RPL32: variants seen among roughly 807,000 people sequenced by gnomAD.
RPL32 encodes the protein large ribosomal subunit protein eL32.
For synonymous variants in RPL32, 61 were observed against 62.6 expected (o/e 0.98, Z 0.12); for missense variants, 117 against 173.7 (o/e 0.67, Z 1.83).
chr3:12,838,455 C>A (rs1296332069), intron 3 of RPL32, among the ~76,000 whole-genome samples: 1 of 152,108 alleles, frequency 6.6e-6, no homozygotes, highest in Non-Finnish European at 1.5e-5. Context: ...CCTGCAAACC[C>A]TCCATGTGCT....
rs1268286038 is a variant in RPL32, at chr3:12,839,355, C to T, written c.272G>A (p.Cys91Tyr). 1 of 1,614,016 alleles carries T rather than the reference C, an allele frequency of 6.2e-7. No homozygotes were observed. Residue 91 changes from cysteine (C) to tyrosine (Y), a missense_variant, in exon 3 of 4, where the codon TGC becomes TAC. By Grantham distance (194) the Cys-to-Tyr change is radical. Coordinates refer to ENST00000429711, the MANE Select transcript of RPL32 (RefSeq NM_000994.4). The part of the protein sequence containing the change: ...NVKELEVLLM[C>Y]NKSYCAEIAH... ...GAGGTGGGACCCAACTCACTTGTTG[C>T]ACATCAGCAGCACTTCCAGCTCCTT...
At position 12,840,133 on chromosome 3, in the gene RPL32, A is replaced by T. The variant is rs1363720680; in HGVS notation, c.96+9T>A. 6.2e-7 allele frequency: 1 copy of T among 1,607,942 alleles called. No homozygotes were observed. The highest frequency in any genetic ancestry group is 1.1e-5 in the South Asian group (1 of 90,972). On this transcript the variant is annotated intron_variant, in intron 2 of 3. Transcript: ENST00000429711. ...ACCCCACACCCATTTCCATCCCAGG[A>T]CCACATACCTTAATTTTGACATATC...
At position 12,839,359 on chromosome 3, in the gene RPL32, T is replaced by A. The variant is rs1184043677; in HGVS notation, c.268A>T (p.Met90Leu). The part of the protein sequence containing the change: ...HNVKELEVLL[M>L]CNKSYCAEIA... ...TGGGACCCAACTCACTTGTTGCACATCAGCAGCACTTCCAGCTCCTTGACG... is the reference window on the plus strand; with the variant it reads ...TGGGACCCAACTCACTTGTTGCACAACAGCAGCACTTCCAGCTCCTTGACG... Residue 90 changes from methionine (M) to leucine (L), a missense_variant, in exon 3 of 4, where the codon ATG becomes TTG. Met to Leu is a conservative substitution (Grantham distance 15, BLOSUM62 2). Coordinates refer to ENST00000429711, the MANE Select transcript of RPL32 (RefSeq NM_000994.4). The A allele has an allele frequency of 3.1e-6, 5 of 1,613,922 alleles. No individual in the cohort carries two copies. The East Asian group carries it at 1.1e-4, about 36-fold the overall frequency.
At chr3:12,839,191 T>C in intron 3 of RPL32, 158 bp downstream of exon 3, 1 of 674,666 alleles carries the variant, frequency 1.5e-6, no homozygotes, top group Non-Finnish European at 2.6e-6. Context: ...CAACAAGCAT[T>C]CTCTAAAATC....
intron 3 of RPL32, among the ~76,000 whole-genome samples, chr3:12,837,328 A>G (rs1208645288): frequency 6.6e-6 from 1 of 152,238 alleles, no homozygotes; most frequent in Non-Finnish European, 1.5e-5. Context: ...TATTGCTGCA[A>G]TGACTAGCTT....
intron 3 of RPL32, among the ~76,000 whole-genome samples, chr3:12,838,136 G>A (rs1379251169): frequency 6.6e-6 from 1 of 152,240 alleles, no homozygotes; most frequent in African/African-American, 2.4e-5. Flanking sequence ...GCCAGGCATA[G>A]TAGCTCATGC....
At chr3:12,839,272 T>C in intron 3 of RPL32, 77 bp downstream of exon 3, 2 of 1,368,366 alleles carry the variant, frequency 1.5e-6, no homozygotes, top group Non-Finnish European at 2.1e-6. Flanking sequence ...CCCAAGAGTT[T>C]GTAGAGTTCC....
intron 2 of RPL32, 40 bp downstream of exon 2, chr3:12,840,102 T>C (rs2062136394): frequency 6.9e-7 from 1 of 1,450,296 alleles, no homozygotes; most frequent in Non-Finnish European, 9.7e-7. Context: ...GGAAACTCTT[T>C]TCTTCACCCC....
intron 3 of RPL32, among the ~76,000 whole-genome samples, chr3:12,837,607 G>C (rs185457736): frequency 1.3e-5 from 2 of 152,242 alleles, no homozygotes; most frequent in African/African-American, 2.4e-5. Context: ...GAAATTTTCA[G>C]CATTTCAACG....
rs1038757094 is a variant in RPL32 at position 12,835,698 on chromosome 3, T to C, written c.*396A>G. ...TTCATCTGGATATTTCCATGCATAT[T>C]TTCTCAATTCTCACAAGCATCACAT... On this transcript the variant is annotated 3_prime_UTR_variant, in exon 4 of 4. Transcript: ENST00000429711. 2 of 169,868 alleles carry C rather than the reference T, an allele frequency of 1.2e-5. No homozygotes were observed. Among genetic ancestry groups the C allele is most frequent in the East Asian group, 1.6e-4 (1 of 6,134 alleles). 10.5% of individuals were successfully genotyped at this position (169,868 alleles called of 1,614,324 possible). A position where few individuals can be genotyped will look rare whatever the true frequency, so the allele number is the denominator to read the frequency against.
intron 3 of RPL32, among the ~76,000 whole-genome samples, chr3:12,838,759 A>G (rs3732682): frequency 0.18 from 27,602 of 152,102 alleles, 3,327 homozygotes; most frequent in African/African-American, 0.35. Context: ...GTGATAACCA[A>G]TTCTCGACGA....
rs575017065 is a variant in RPL32, at chr3:12,839,679, T to C, written c.97-149A>G. The C allele has an allele frequency of 6.0e-6, 5 of 827,170 alleles. 1 individual carries two copies. The highest frequency in any genetic ancestry group is 2.3e-5 in the Admixed American group (1 of 44,252). 51.2% of individuals were successfully genotyped at this position (827,170 alleles called of 1,614,324 possible). On this transcript the variant is annotated intron_variant, in intron 2 of 3. Coordinates refer to ENST00000429711, the MANE Select transcript of RPL32 (RefSeq NM_000994.4). ...GGACTTCACTATTTCCTTACTTTTT[T>C]GGTGGGAAAAACCAGGAGCTCGTGG...
In RPL32 at chr3:12,839,525, G is replaced by A. The variant is rs774114647; in HGVS notation, c.102C>T (p.Asn34=). Residue 34 remains asparagine (N), a synonymous_variant, in exon 3 of 4, where the codon AAC becomes AAT. Coordinates refer to ENST00000429711, the MANE Select transcript of RPL32 (RefSeq NM_000994.4). ...TGTCAATGCCTCTGGGTTTCCGCCAGTTACGCTGAAGGAAATAATACACAG... is the reference window on the plus strand; with the variant it reads ...TGTCAATGCCTCTGGGTTTCCGCCAATTACGCTGAAGGAAATAATACACAG... ...QSDRYVKIKR[N]WRKPRGIDNR... The A allele has an allele frequency of 3.1e-6, 5 of 1,614,164 alleles. No homozygotes were observed. In the South Asian group the frequency reaches 4.4e-5, roughly 14 times the overall value.
At chr3:12,836,392 G>A (rs767098507) in intron 3 of RPL32, among the ~76,000 whole-genome samples, 169 bp from the exon 4 acceptor site, 5 of 152,136 alleles carry the variant, frequency 3.3e-5, no homozygotes, top group African/African-American at 4.8e-5. Context: ...CCCTGGTGGT[G>A]ACAAGAATGC....
Position 12,835,661 on chromosome 3 carries a change from CTGTG to C in RPL32, c.*429_*432del, listed in dbSNP as rs747499318. On this transcript the variant is annotated 3_prime_UTR_variant, in exon 4 of 4. Transcript: ENST00000429711. ...TGCAATTTAGGCATCCCGTAAGAAT[CTGTG>C]TAAGAAATTCATCTGGATATTTCCA... 15 of 163,126 alleles carry C rather than the reference CTGTG, an allele frequency of 9.2e-5. 1 individual carries two copies. Among genetic ancestry groups the C allele is most frequent in the Admixed American group, 6.5e-4 (11 of 17,014 alleles). The allele number at this position is 163,126 out of a possible 1,614,324, so 10.1% of individuals were successfully genotyped here.
intron 3 of RPL32, 115 bp from the exon 4 acceptor site, chr3:12,836,338 G>T: frequency 7.9e-7 from 1 of 1,260,060 alleles, no homozygotes; most frequent in Non-Finnish European, 1.1e-6. Context: ...TTGGTAAGTG[G>T]CTGTGGAATG....
chr3:12,837,236 C>A (rs1210996517), intron 3 of RPL32, among the ~76,000 whole-genome samples: 2 of 152,184 alleles, frequency 1.3e-5, no homozygotes, highest in Non-Finnish European at 2.9e-5. Context: ...CTACAACACT[C>A]GAATCATTTT....
At position 12,840,157 on chromosome 3, in the gene RPL32, T is replaced by G. The variant is rs765370274; in HGVS notation, c.81A>C (p.Arg27=). 3 of 1,613,788 alleles carry G rather than the reference T, an allele frequency of 1.9e-6. No individual in the cohort carries two copies. The highest frequency in any genetic ancestry group is 2.5e-6 in the Non-Finnish European group (3 of 1,179,694). The change falls in exon 2 of 4, where the codon CGA becomes CGC. Residue 27 remains arginine, a synonymous_variant. Transcript: ENST00000429711. The part of the protein sequence containing the change: ...TKKFIRHQSD[R]YVKIKRNWRK... ...GACCACATACCTTAATTTTGACATA[T>G]CGGTCTGACTGGTGCCGGATGAACT...
At chr3:12,838,675 G>A (rs1024235097) in intron 3 of RPL32, among the ~76,000 whole-genome samples, 2 of 152,088 alleles carry the variant, frequency 1.3e-5, no homozygotes, top group African/African-American at 4.8e-5. Flanking sequence ...GCAACCATCT[G>A]AATGCACTCC....
Sources: gnomAD v4.1 joint callset for allele counts (sites outside exome capture counted in the v4.1 genomes callset) on GRCh38, gnomAD v4.1.1 for gene constraint, MANE v1.5 for transcripts, NCBI Gene and HGNC (gene_info 2026-07-23, HGNC 2026-07-21) for gene names.